NKAIN3: variants seen among roughly 807,000 people sequenced by gnomAD.
NKAIN3 encodes the protein sodium/potassium-transporting ATPase subunit beta-1-interacting protein 3.
NKAIN3 carries 25 observed loss-of-function variants against 30.2 expected under a neutral mutation model. The observed-to-expected ratio is 0.83, with a 90% CI of 0.60 to 1.16. The LOEUF (loss-of-function observed/expected upper bound fraction) is 1.16, where lower values mean the gene tolerates loss of function less well. NKAIN3 is among the 50% of genes most tolerant of loss of function. The pLI is 0.00. For missense variants in NKAIN3, 225 were observed against 254.1 expected, an observed-to-expected ratio of 0.89 and a Z score of 0.78; for synonymous variants, 91 against 89.6, an observed-to-expected ratio of 1.02 and a Z score of -0.09.
At chr8:62,902,248 CAA>C (rs567981445) in intron 4 of NKAIN3, among the ~76,000 whole-genome samples, 212 of 152,216 alleles carry the variant, frequency 1.4e-3, no homozygotes, top group African/African-American at 4.9e-3. Flanking sequence ...GAAAGGGGCA[CAA>C]AAAGAGTCCA....
At chr8:62,513,312 A>G (rs1449941302) in intron 1 of NKAIN3, among the ~76,000 whole-genome samples, 1 of 151,586 alleles carries the variant, frequency 6.6e-6, no homozygotes, top group African/African-American at 2.4e-5. Flanking sequence ...AAATGCAACT[A>G]TCTCCGTCAG....
intron 4 of NKAIN3, among the ~76,000 whole-genome samples, chr8:62,806,809 A>G (rs1258696891): frequency 6.6e-6 from 1 of 151,582 alleles, no homozygotes; most frequent in Non-Finnish European, 1.5e-5. Flanking sequence ...TATAATAATA[A>G]TAAAAAATAA....
intron 1 of NKAIN3, among the ~76,000 whole-genome samples, chr8:62,511,551 C>T (rs142241993): frequency 2.7e-3 from 412 of 152,264 alleles, no homozygotes; most frequent in African/African-American, 9.5e-3. Context: ...AAAATCTTTC[C>T]AAGGGTTCCT....
chr8:62,892,840 C>T (rs1821331711), intron 4 of NKAIN3, among the ~76,000 whole-genome samples: 1 of 152,092 alleles, frequency 6.6e-6, no homozygotes, highest in Non-Finnish European at 1.5e-5. Flanking sequence ...AGGTCAGACA[C>T]ACCAGCATAA....
At chr8:62,647,744 C>T (rs1244084467) in intron 3 of NKAIN3, among the ~76,000 whole-genome samples, 3 of 152,116 alleles carry the variant, frequency 2.0e-5, no homozygotes, top group Non-Finnish European at 2.9e-5. Context: ...CCTCGATTGC[C>T]GAAAGGCAAG....
chr8:62,677,666 G>A (rs1813518519), intron 3 of NKAIN3, among the ~76,000 whole-genome samples: 1 of 152,200 alleles, frequency 6.6e-6, no homozygotes, highest in Non-Finnish European at 1.5e-5. Context: ...AGGAAGGTCA[G>A]TGAGGTAAGC....
chr8:62,717,207 T>C (rs550528046), intron 3 of NKAIN3, among the ~76,000 whole-genome samples: 1 of 152,342 alleles, frequency 6.6e-6, no homozygotes, highest in African/African-American at 2.4e-5. Flanking sequence ...GTGGCTTCTA[T>C]TGCTGAGTAG....
At chr8:62,622,802 A>G (rs1346039587) in intron 3 of NKAIN3, among the ~76,000 whole-genome samples, 1 of 151,938 alleles carries the variant, frequency 6.6e-6, no homozygotes, top group African/African-American at 2.4e-5. Flanking sequence ...TTTTCTTTTT[A>G]CTGGTAGTAC....
At chr8:62,783,426 A>T (rs1442621067) in intron 4 of NKAIN3, among the ~76,000 whole-genome samples, 1 of 152,090 alleles carries the variant, frequency 6.6e-6, no homozygotes, top group African/African-American at 2.4e-5. Context: ...AGCTGTGAGA[A>T]ATAAATCTCT....
intron 3 of NKAIN3, among the ~76,000 whole-genome samples, chr8:62,660,073 G>T (rs1482513162): frequency 6.6e-6 from 1 of 152,162 alleles, no homozygotes; most frequent in East Asian, 1.9e-4. Flanking sequence ...GAATGCCTCA[G>T]GGGGAGGTCT....
intron 1 of NKAIN3, among the ~76,000 whole-genome samples, chr8:62,521,620 C>T (rs972279864): frequency 1.3e-5 from 2 of 152,102 alleles, no homozygotes; most frequent in African/African-American, 4.8e-5. Flanking sequence ...TCTTGAATTG[C>T]TTTAGTTGCT....
At position 62,830,321 on chromosome 8, in the gene NKAIN3, A is replaced by G. The variant is rs563122579; in HGVS notation, c.471+83192A>G. Reference sequence around the variant, plus strand: ...TATTACTGTTTTCTCCCACTAAGAAACAAAAATCCAGACTTTTCCCTTTAT... The same window carrying G: ...TATTACTGTTTTCTCCCACTAAGAAGCAAAAATCCAGACTTTTCCCTTTAT... On this transcript the variant is annotated intron_variant, in intron 4 of 6. Coordinates refer to ENST00000623646, the MANE Select transcript of NKAIN3 (RefSeq NM_001304533.3). Among the ~76,000 whole-genome samples, 4 of 152,282 alleles carry G rather than the reference A, an allele frequency of 2.6e-5. No homozygotes were observed. In the East Asian group the frequency reaches 5.8e-4, roughly 22 times the overall value.
chr8:62,688,501 G>C (rs1018276292), intron 3 of NKAIN3, among the ~76,000 whole-genome samples: 2 of 152,104 alleles, frequency 1.3e-5, no homozygotes, highest in Non-Finnish European at 2.9e-5. Context: ...ATACAATATT[G>C]ATTGACCATT....
chr8:62,716,398 T>C (rs1255001891), intron 3 of NKAIN3, among the ~76,000 whole-genome samples: 2 of 152,266 alleles, frequency 1.3e-5, no homozygotes, highest in South Asian at 2.1e-4. Flanking sequence ...ACCTACAAGA[T>C]TTCTGATCTA....
chr8:62,639,851 C>T (rs1247538462), intron 3 of NKAIN3, among the ~76,000 whole-genome samples: 1 of 151,854 alleles, frequency 6.6e-6, no homozygotes, highest in African/African-American at 2.4e-5. Context: ...GGGGCCATAA[C>T]TGATGAGGAA....
At chr8:62,953,803 A>G (rs1167542187) in intron 5 of NKAIN3, 99 bp from the exon 6 acceptor site, 1 of 209,408 alleles carries the variant, frequency 4.8e-6, no homozygotes, top group African/African-American at 2.4e-5. Flanking sequence ...TGGTGAACGG[A>G]TATTTTTGTT....
intron 1 of NKAIN3, among the ~76,000 whole-genome samples, chr8:62,259,977 T>C (rs1454453768): frequency 6.6e-6 from 1 of 152,162 alleles, no homozygotes; most frequent in African/African-American, 2.4e-5. Flanking sequence ...CTTGGCAGTG[T>C]TAATGATATT....
At chr8:62,588,384 A>C (rs190835459) in intron 2 of NKAIN3, among the ~76,000 whole-genome samples, 3,392 of 151,842 alleles carry the variant, frequency 0.022, 89 homozygotes, top group African/African-American at 0.072. Flanking sequence ...GTGATTTTTG[A>C]GCTTTTACTC....
chr8:62,275,912 A>G (rs1563915544), intron 1 of NKAIN3, among the ~76,000 whole-genome samples: 1 of 152,138 alleles, frequency 6.6e-6, no homozygotes, highest in Non-Finnish European at 1.5e-5. Flanking sequence ...AAATAAACTT[A>G]TTGAGGCTGT....
Sources: allele counts gnomAD v4.1 joint callset (sites outside exome capture counted in the v4.1 genomes callset), GRCh38; gene constraint gnomAD v4.1.1; transcripts MANE v1.5; gene names NCBI Gene and HGNC (gene_info 2026-07-23, HGNC 2026-07-21).